The following GSDME variants were observed in gnomAD, a reference collection of about 807,000 sequenced individuals.
GSDME encodes the protein gasdermin E.
A neutral mutation model predicts 47.5 loss-of-function variants in GSDME; 44 were observed. That is an observed-to-expected ratio of 0.93 (90% CI 0.73 to 1.19). The LOEUF (loss-of-function observed/expected upper bound fraction) is 1.19, where lower values mean the gene tolerates loss of function less well. Ranked by LOEUF, GSDME falls within the 50% of genes most tolerant of loss-of-function variation. The probability of loss-of-function intolerance (pLI) is 0.00; values close to 1 mark genes in which losing one functional copy is unlikely to be tolerated. For synonymous variants in GSDME, 258 were observed against 252.8 expected (o/e 1.02, Z -0.20); for missense variants, 663 against 604.2 (o/e 1.10, Z -1.02).
Position 24,712,129 on chromosome 7 carries a change from A to G in GSDME, c.698-1741T>C, listed in dbSNP as rs377594120. 6.6e-6 allele frequency among the ~76,000 whole-genome samples: 1 copy of G among 152,226 alleles called. No homozygotes were observed. The highest frequency in any genetic ancestry group is 1.5e-5 in the Non-Finnish European group (1 of 68,038). On this transcript the variant is annotated intron_variant, in intron 5 of 9. Transcript: ENST00000645220. This position sits in a 1 kb window ranked among gnomAD's most constrained non-coding sequence, Gnocchi z 4.4. ...CTCATAAAGATAGAATGGAAAAGAA[A>G]AAGAAGAATGGCTGTCTAAAGACAA...
rs771302470 is a variant in GSDME, at chr7:24,716,791, C to T, written c.697+463G>A. On this transcript the variant is annotated intron_variant, in intron 5 of 9. Transcript: ENST00000645220. This position sits in a 1 kb window ranked among gnomAD's most constrained non-coding sequence, Gnocchi z 4.5. ...ATTAATAAATGACCACTGTGCCAGG[C>T]GCTTCATAGGCCTCATCTCATTAAA... 7.2e-5 allele frequency: 15 copies of T among 208,188 alleles called. No homozygotes were observed. In the East Asian group the frequency reaches 9.8e-4, roughly 14 times the overall value. The allele number at this position is 208,188 out of a possible 1,614,324, so 12.9% of individuals were successfully genotyped here.
chr7:24,718,093 C>T (rs1419106314), intron 4 of GSDME, among the ~76,000 whole-genome samples: 1 of 152,238 alleles, frequency 6.6e-6, no homozygotes, highest in East Asian at 1.9e-4. Flanking sequence ...TGAAAGGCTT[C>T]AACACTTTGG....
At chr7:24,738,893 T>G (rs1055679521) in intron 3 of GSDME, among the ~76,000 whole-genome samples, 8 of 152,204 alleles carry the variant, frequency 5.3e-5, no homozygotes, top group Non-Finnish European at 4.4e-5. Flanking sequence ...AAGGATAGCC[T>G]CTTCAATAAA....
chr7:24,794,006 T>A, the GSDME span, among the ~76,000 whole-genome samples: 3 of 152,244 alleles, frequency 2.0e-5, no homozygotes, highest in Non-Finnish European at 4.4e-5. Context: ...CGCCCTTGTT[T>A]ACACTGACAA....
At chr7:24,752,494 T>C (rs1425310554) in intron 1 of GSDME, among the ~76,000 whole-genome samples, 2 of 152,210 alleles carry the variant, frequency 1.3e-5, no homozygotes, top group African/African-American at 4.8e-5. Context: ...CTCTGGACTA[T>C]GTCAGTGGCA....
Position 24,712,425 on chromosome 7 carries a change from G to A in GSDME, c.698-2037C>T, listed in dbSNP as rs780233232. ...ACACCACACTCTCACCTTCACCCAT[G>A]CATAGCTCCCTGAGGGCGCCACCAA... On this transcript the variant is annotated intron_variant, in intron 5 of 9. Coordinates refer to ENST00000645220, the MANE Select transcript of GSDME (RefSeq NM_001127453.2). The surrounding 1 kb of genome is among the most constrained non-coding windows in gnomAD (Gnocchi z 4.4). Among the ~76,000 whole-genome samples the A allele has an allele frequency of 6.6e-6, 1 of 152,172 alleles. No individual in the cohort carries two copies. The highest frequency in any genetic ancestry group is 2.4e-5 in the African/African-American group (1 of 41,440).
intron 5 of GSDME, 79 bp from the exon 6 acceptor site, chr7:24,710,467 G>T: frequency 7.3e-7 from 1 of 1,374,040 alleles, no homozygotes; most frequent in Non-Finnish European, 1.0e-6. Context: ...GGTCAGCCCA[G>T]CCTTGATGGC....
chr7:24,727,598 C>A (rs986981352), intron 3 of GSDME, among the ~76,000 whole-genome samples: 1 of 152,268 alleles, frequency 6.6e-6, no homozygotes, highest in African/African-American at 2.4e-5. Context: ...TGTGTTCACA[C>A]ACCAGCTGTA....
At chr7:24,763,371 T>TA in the GSDME span, among the ~76,000 whole-genome samples, 1 of 151,718 alleles carries the variant, frequency 6.6e-6, no homozygotes, top group Non-Finnish European at 1.5e-5. The surrounding 1 kb of genome is among the most constrained non-coding windows in gnomAD (Gnocchi z 4.3). Flanking sequence ...GCATCATTAC[T>TA]ATTGCACAGA....
At chr7:24,707,153 C>T (rs1584050921) in intron 7 of GSDME, 16 of 367,438 alleles carry the variant, frequency 4.4e-5, no homozygotes, top group South Asian at 1.3e-4. Context: ...CAGGCTCTTT[C>T]GGCACAATCT....
the GSDME span, among the ~76,000 whole-genome samples, chr7:24,763,720 C>CAA: frequency 6.6e-6 from 1 of 152,102 alleles, no homozygotes; most frequent in Admixed American, 6.5e-5. The surrounding 1 kb of genome is among the most constrained non-coding windows in gnomAD (Gnocchi z 4.3). Context: ...TTCCTTTGGC[C>CAA]AGAAATCAGT....
chr7:24,748,778 A>G (rs1790761963), intron 2 of GSDME, among the ~76,000 whole-genome samples: 1 of 152,112 alleles, frequency 6.6e-6, no homozygotes, highest in Non-Finnish European at 1.5e-5. Flanking sequence ...TCCCCCATGC[A>G]GGGACCAATG....
At chr7:24,789,293 T>G in the GSDME span, among the ~76,000 whole-genome samples, 1 of 152,070 alleles carries the variant, frequency 6.6e-6, no homozygotes, top group East Asian at 1.9e-4. Context: ...CCTGTGAATG[T>G]AGCAGGACGA....
rs537836762 is a variant in GSDME, at chr7:24,725,868, G to C, written c.405-6650C>G. Among the ~76,000 whole-genome samples the C allele has an allele frequency of 9.7e-4, 147 of 152,156 alleles. 1 individual carries two copies. Among genetic ancestry groups the C allele is most frequent in the Non-Finnish European group, 1.6e-3 (112 of 68,002 alleles). ...TGGGCATAAGACAATATGAGGGGTG[G>C]TCCCCTCCCTTAAGGAAGTGGACCC... On this transcript the variant is annotated intron_variant, in intron 3 of 9. Transcript: ENST00000645220. The surrounding 1 kb of genome is among the most constrained non-coding windows in gnomAD (Gnocchi z 5.1).
chr7:24,792,719 A>G, the GSDME span, among the ~76,000 whole-genome samples: 1 of 151,694 alleles, frequency 6.6e-6, no homozygotes, highest in African/African-American at 2.4e-5. Flanking sequence ...GGGTGTGATG[A>G]GTCCATCCCT....
At chr7:24,748,691 C>T (rs944294483) in intron 2 of GSDME, among the ~76,000 whole-genome samples, 1 of 152,132 alleles carries the variant, frequency 6.6e-6, no homozygotes, top group African/African-American at 2.4e-5. Flanking sequence ...CTTTCTTTTG[C>T]ACATCTGGAC....
intron 3 of GSDME, among the ~76,000 whole-genome samples, chr7:24,720,575 C>T (rs1370795502): frequency 6.6e-6 from 1 of 152,088 alleles, no homozygotes; most frequent in African/African-American, 2.4e-5. Context: ...AATGGAGAAA[C>T]AAAATGTGTT....
At position 24,702,849 on chromosome 7, in the gene GSDME, ATCACAG is replaced by A; in HGVS notation, c.1184-22_1184-17del. ...TCTGGCATTTCTGCAGGAGAGAAAA[ATCACAG>A]TCACAGTCCAAAAAAACAAGTCCAT... On this transcript the variant is annotated splice_polypyrimidine_tract_variant and intron_variant, in intron 8 of 9. Coordinates refer to ENST00000645220, the MANE Select transcript of GSDME (RefSeq NM_001127453.2). 1.2e-6 allele frequency: 2 copies of A among 1,610,788 alleles called. No homozygotes were observed. The highest frequency in any genetic ancestry group is 1.7e-6 in the Non-Finnish European group (2 of 1,177,980).
rs1441031847 is a variant in GSDME, at chr7:24,726,165, A to G, written c.405-6947T>C. Among the ~76,000 whole-genome samples, 1 of 152,128 alleles carries G rather than the reference A, an allele frequency of 6.6e-6. No homozygotes were observed. The highest frequency in any genetic ancestry group is 6.6e-5 in the Admixed American group (1 of 15,264). On this transcript the variant is annotated intron_variant, in intron 3 of 9. Coordinates refer to ENST00000645220, the MANE Select transcript of GSDME (RefSeq NM_001127453.2). This position sits in a 1 kb window ranked among gnomAD's most constrained non-coding sequence, Gnocchi z 5.6. Reference sequence around the variant, plus strand: ...AGCTCCCCAGGCCCAGCCCTAATGAAGCCGCCTCCTCTCCCAGCCTGAAGC... The same window carrying G: ...AGCTCCCCAGGCCCAGCCCTAATGAGGCCGCCTCCTCTCCCAGCCTGAAGC...
Sources: gnomAD v4.1 joint callset for allele counts (sites outside exome capture counted in the v4.1 genomes callset) on GRCh38, gnomAD v4.1.1 for gene constraint, Gnocchi (gnomAD v3.1) non-coding constraint, MANE v1.5 for transcripts, NCBI Gene and HGNC (gene_info 2026-07-23, HGNC 2026-07-21) for gene names.